Variants in SNX29 observed in about 807,000 individuals in gnomAD.
SNX29 encodes the protein sorting nexin-29.
A neutral mutation model predicts 102.1 loss-of-function variants in SNX29; 78 were observed. The ratio of observed to expected loss-of-function variants is 0.76; its 90% CI spans 0.64 to 0.92. The LOEUF is 0.92. Among genes scored for constraint, SNX29 ranks in the 40% least tolerant of loss-of-function variants. The pLI, the probability that SNX29 is intolerant of heterozygous loss-of-function variation, is 0.00. For synonymous variants in SNX29, 580 were observed against 414.5 expected, an observed-to-expected ratio of 1.40 and a Z score of -4.85; for missense variants, 1,280 against 1,061.7, an observed-to-expected ratio of 1.21 and a Z score of -2.86.
intron 18 of SNX29, among the ~76,000 whole-genome samples, chr16:12,476,399 T>TAC (rs2087624377): frequency 6.1e-5 from 1 of 16,304 alleles, no homozygotes; most frequent in Non-Finnish European, 9.0e-5. Flanking sequence ...TATATATATA[T>TAC]ATATATATAT....
chr16:12,546,400 A>T (rs1164767200), intron 20 of SNX29: 1 of 152,002 alleles, frequency 6.6e-6, no homozygotes, highest in Non-Finnish European at 1.5e-5. Flanking sequence ...GGAGCAAGTC[A>T]CTTCTTAAGC....
intron 16 of SNX29, among the ~76,000 whole-genome samples, chr16:12,360,343 T>C (rs2082266840): frequency 6.6e-6 from 1 of 152,220 alleles, no homozygotes; most frequent in Admixed American, 6.5e-5. Context: ...TTTGTCATTA[T>C]TGTGGAAGAC....
intron 9 of SNX29, among the ~76,000 whole-genome samples, chr16:12,064,429 C>T (rs568308025): frequency 1.3e-5 from 2 of 152,244 alleles, no homozygotes; most frequent in African/African-American, 4.8e-5. Context: ...CTCGCAGAGT[C>T]AGCTCCATCT....
chr16:12,343,247 C>T (rs1441121984), intron 15 of SNX29, among the ~76,000 whole-genome samples: 10 of 152,214 alleles, frequency 6.6e-5, no homozygotes, highest in Admixed American at 6.5e-4. Context: ...TGCTTTCCAG[C>T]ACCTTGCAGA....
intron 11 of SNX29, among the ~76,000 whole-genome samples, chr16:12,080,422 T>C (rs971902974): frequency 6.6e-6 from 1 of 152,228 alleles, no homozygotes; most frequent in Non-Finnish European, 1.5e-5. Flanking sequence ...CAGGTGTTAA[T>C]AGATCACTCA....
In SNX29 at chr16:12,572,669, C is replaced by T; in HGVS notation, c.*4040C>T. On this transcript the variant is annotated 3_prime_UTR_variant, in exon 21 of 21. Coordinates refer to ENST00000566228, the MANE Select transcript of SNX29 (RefSeq NM_032167.5). ...CCAAGCTCCTGTGTGAGCTGCAGCACCCACACGGGGGAAGCCCTGCACTCC... is the reference window on the plus strand; with the variant it reads ...CCAAGCTCCTGTGTGAGCTGCAGCATCCACACGGGGGAAGCCCTGCACTCC... 9.4e-7 allele frequency: 1 copy of T among 1,063,374 alleles called. No homozygotes were observed. Among genetic ancestry groups the T allele is most frequent in the Non-Finnish European group, 1.1e-6 (1 of 877,998 alleles). The allele number at this position is 1,063,374 out of a possible 1,614,324, so 65.9% of individuals were successfully genotyped here.
chr16:12,176,452 A>G (rs1275525184), intron 13 of SNX29, among the ~76,000 whole-genome samples: 2 of 152,246 alleles, frequency 1.3e-5, no homozygotes, highest in African/African-American at 4.8e-5. Context: ...TTTTACATCC[A>G]TAGATTCAAC....
chr16:12,199,833 G>C (rs1427298634), intron 14 of SNX29, 150 bp downstream of exon 14: 9 of 665,222 alleles, frequency 1.4e-5, no homozygotes, highest in African/African-American at 1.3e-4. Flanking sequence ...AAATTAATCA[G>C]GTGGAAAACC....
chr16:12,208,941 G>C (rs972558992), intron 14 of SNX29, among the ~76,000 whole-genome samples: 1 of 152,036 alleles, frequency 6.6e-6, no homozygotes, highest in African/African-American at 2.4e-5. Flanking sequence ...AATGTACTTA[G>C]CTTTGTTAGG....
chr16:12,156,847 C>G (rs2055573009), intron 13 of SNX29, among the ~76,000 whole-genome samples: 1 of 152,312 alleles, frequency 6.6e-6, no homozygotes, highest in African/African-American at 2.4e-5. Flanking sequence ...CTCGTGCCCC[C>G]CTCCCCTGGA....
intron 15 of SNX29, among the ~76,000 whole-genome samples, chr16:12,314,563 A>G (rs2080670282): frequency 1.3e-5 from 2 of 152,242 alleles, no homozygotes; most frequent in Non-Finnish European, 2.9e-5. Flanking sequence ...GTTAGTGTTT[A>G]TGAATAGGCT....
intron 3 of SNX29, among the ~76,000 whole-genome samples, chr16:12,004,166 C>T (rs2056381359): frequency 2.0e-5 from 3 of 151,844 alleles, no homozygotes; most frequent in Admixed American, 2.0e-4. Context: ...ATGGTGAAAC[C>T]CCGTCTCTAC....
intron 19 of SNX29, among the ~76,000 whole-genome samples, chr16:12,481,552 A>AC (rs1457637581): frequency 1.7e-5 from 2 of 119,502 alleles, no homozygotes; most frequent in South Asian, 2.5e-4. Context: ...ACACACACAC[A>AC]CACCCCAAAT....
intron 14 of SNX29, among the ~76,000 whole-genome samples, chr16:12,200,202 A>G (rs765419229): frequency 6.6e-6 from 1 of 152,208 alleles, no homozygotes; most frequent in Non-Finnish European, 1.5e-5. Context: ...AATGCCTACC[A>G]TAGAATAAAT....
chr16:12,535,962 T>C (rs1200241095), intron 20 of SNX29, among the ~76,000 whole-genome samples: 1 of 152,160 alleles, frequency 6.6e-6, no homozygotes, highest in Non-Finnish European at 1.5e-5. Context: ...TCTGAGAGCT[T>C]TGACCCCGGC....
At chr16:12,562,609 CTT>C (rs1567208019) in intron 20 of SNX29, among the ~76,000 whole-genome samples, 1 of 152,170 alleles carries the variant, frequency 6.6e-6, no homozygotes, top group African/African-American at 2.4e-5. Flanking sequence ...GTCGCTGGCT[CTT>C]GAGAGCTACA....
Position 12,308,190 on chromosome 16 carries a change from G to A in SNX29, c.1782+30154G>A, listed in dbSNP as rs540266330. Among the ~76,000 whole-genome samples the A allele has an allele frequency of 2.6e-5, 4 of 152,326 alleles. No individual in the cohort carries two copies. The East Asian group carries it at 7.7e-4, about 29-fold the overall frequency. On this transcript the variant is annotated intron_variant, in intron 15 of 20. Coordinates refer to ENST00000566228, the MANE Select transcript of SNX29 (RefSeq NM_032167.5). ...CAGCAGAGATGGCACCTCGCTGGTG[G>A]TGCTGACACCCGGCAGGCAGGCACA...
chr16:12,014,382 G>C (rs927936050), intron 3 of SNX29, among the ~76,000 whole-genome samples: 2 of 152,072 alleles, frequency 1.3e-5, no homozygotes, highest in Non-Finnish European at 2.9e-5. Context: ...TCTAGACCAA[G>C]AGTTGGAGAT....
chr16:12,048,358 CT>C lies in SNX29; in HGVS notation c.500-7del, dbSNP rs144326765. ...ATCAGCAAGCACTCCAGACTTTTCCCTTTTTTTGGGCAGGTCTGAACTCCAT... is the reference window on the plus strand; with the variant it reads ...ATCAGCAAGCACTCCAGACTTTTCCCTTTTTTGGGCAGGTCTGAACTCCAT... On this transcript the variant is annotated splice_polypyrimidine_tract_variant and intron_variant, in intron 6 of 20. Transcript: ENST00000566228. 6.2e-7 allele frequency: 1 copy of C among 1,613,600 alleles called. No individual in the cohort carries two copies. The highest frequency in any genetic ancestry group is 1.7e-5 in the Admixed American group (1 of 59,978).
Sources: gnomAD v4.1 joint callset for allele counts (sites outside exome capture counted in the v4.1 genomes callset) on GRCh38, gnomAD v4.1.1 for gene constraint, MANE v1.5 for transcripts, NCBI Gene and HGNC (gene_info 2026-07-23, HGNC 2026-07-21) for gene names.